The following ZNF682 variants were observed in gnomAD, a reference collection of about 807,000 sequenced individuals.
ZNF682 encodes the protein zinc finger protein 682.
In ZNF682, 29 loss-of-function variants were observed where a neutral mutation model predicts 36.5. That is an observed-to-expected ratio of 0.80 (90% CI 0.59 to 1.08). The LOEUF is 1.08. Ranked by LOEUF, ZNF682 falls within the 50% of genes least tolerant of loss-of-function variation. The pLI is 0.00. For synonymous variants in ZNF682, 180 were observed against 197.0 expected, an observed-to-expected ratio of 0.91 and a Z score of 0.72; for missense variants, 561 against 579.7, an observed-to-expected ratio of 0.97 and a Z score of 0.33.
In ZNF682 at chr19:20,006,695, A is replaced by T. The variant is rs779912510; in HGVS notation, c.807T>A (p.Cys269Ter). 4.3e-6 allele frequency: 7 copies of T among 1,611,668 alleles called. No homozygotes were observed. The part of the protein sequence containing the change: ...CEECGKAFHW[C>*]SPFVRHKKIH... ...TTTTCTTATGTCTAACAAAGGGTGA[A>T]CACCAGTGAAAGGCTTTTCCACATT... The change falls in exon 4 of 4, where the codon TGT (cysteine) becomes TGA (stop). Residue 269 changes from cysteine to a stop codon, truncating the protein, a stop_gained. Transcript: ENST00000397165. LOFTEE classifies it high-confidence loss of function.
intron 1 of ZNF682, among the ~76,000 whole-genome samples, chr19:20,032,637 A>G (rs892701761): frequency 6.6e-6 from 1 of 152,208 alleles, no homozygotes; most frequent in African/African-American, 2.4e-5. Context: ...TAAAAGCACA[A>G]TCATCTCCAA....
intron 1 of ZNF682, chr19:20,039,139 G>C (rs2088560939): frequency 7.1e-7 from 1 of 1,399,546 alleles, no homozygotes; most frequent in Non-Finnish European, 9.3e-7. Flanking sequence ...GAACGGAACG[G>C]GATGCCCGCC....
chr19:20,005,873 T>C lies in ZNF682; in HGVS notation c.*132A>G. 2 of 923,042 alleles carry C rather than the reference T, an allele frequency of 2.2e-6. No individual in the cohort carries two copies. The highest frequency in any genetic ancestry group is 3.8e-5 in the South Asian group (2 of 53,004). 57.2% of individuals were successfully genotyped at this position (923,042 alleles called of 1,614,324 possible). A position where few individuals can be genotyped will look rare whatever the true frequency, so the allele number is the denominator to read the frequency against. Reference sequence around the variant, plus strand: ...TAAGCTGTCAGCAATGGTTGAAGACTTTCCCCACATTCTTCACATTTGTAG... The same window carrying C: ...TAAGCTGTCAGCAATGGTTGAAGACCTTCCCCACATTCTTCACATTTGTAG... On this transcript the variant is annotated 3_prime_UTR_variant, in exon 4 of 4. Transcript: ENST00000397165.
intron 3 of ZNF682, among the ~76,000 whole-genome samples, chr19:19,997,741 C>T (rs777331173): frequency 9.2e-5 from 14 of 152,320 alleles, no homozygotes; most frequent in Non-Finnish European, 1.8e-4. Flanking sequence ...GCACTTGGAG[C>T]CTCCGGATGC....
intron 3 of ZNF682, among the ~76,000 whole-genome samples, chr19:20,016,360 G>A (rs921469745): frequency 6.6e-6 from 1 of 152,068 alleles, no homozygotes; most frequent in Non-Finnish European, 1.5e-5. Flanking sequence ...GAGAAATGAA[G>A]ATCCTTGTAT....
intron 3 of ZNF682, among the ~76,000 whole-genome samples, chr19:20,022,372 A>C (rs1186977185): frequency 7.5e-6 from 1 of 132,530 alleles, no homozygotes; most frequent in African/African-American, 2.8e-5. Context: ...AAAAACCTTA[A>C]AAAATAGTTT....
At chr19:19,997,068 GAAA>G in exon 4 of ZNF682, 1 of 326,166 alleles carries the variant, frequency 3.1e-6, no homozygotes, top group Non-Finnish European at 5.4e-6. Context: ...ATAAGACAAG[GAAA>G]AAAAAAAAAA....
intron 1 of ZNF682, among the ~76,000 whole-genome samples, chr19:20,038,658 T>C (rs1016666207): frequency 5.3e-5 from 8 of 151,206 alleles, no homozygotes; most frequent in African/African-American, 1.7e-4. Flanking sequence ...TGTAAATTGC[T>C]ACCTTAGGGG....
rs770671041 is a variant in ZNF682, at chr19:20,006,376, T to C, written c.1126A>G (p.Lys376Glu). The change falls in exon 4 of 4, where the codon AAA (lysine) becomes GAA (glutamate). Residue 376 changes from lysine (K) to glutamate (E), a missense_variant. By Grantham distance (56) the Lys-to-Glu change is moderately conservative (BLOSUM62 1). Coordinates refer to ENST00000397165, the MANE Select transcript of ZNF682 (RefSeq NM_033196.3). ...AGGTATGAGAACCTCTTAAAGACTT[T>C]GTCACATTTTTCACATTTGTAGGGT... Reference protein sequence around the residue: ...EKPYKCEKCDKVFKRFSYLTK... With the variant: ...EKPYKCEKCDEVFKRFSYLTK... 4.3e-6 allele frequency: 7 copies of C among 1,613,260 alleles called. No individual in the cohort carries two copies. The highest frequency in any genetic ancestry group is 3.3e-5 in the South Asian group (3 of 91,042).
intron 1 of ZNF682, among the ~76,000 whole-genome samples, chr19:20,030,460 C>T (rs1008097732): frequency 2.0e-5 from 3 of 152,102 alleles, no homozygotes; most frequent in Admixed American, 2.0e-4. Flanking sequence ...ATCCCAGCTA[C>T]TCAGGAGGCT....
intron 3 of ZNF682, among the ~76,000 whole-genome samples, chr19:19,999,325 A>G (rs1210242604): frequency 1.3e-5 from 2 of 152,210 alleles, no homozygotes; most frequent in African/African-American, 2.4e-5. Context: ...AAGTGTTGAA[A>G]CAAAACAAAA....
intron 3 of ZNF682, among the ~76,000 whole-genome samples, chr19:19,998,269 G>C (rs2088140085): frequency 6.6e-6 from 1 of 152,200 alleles, no homozygotes; most frequent in Non-Finnish European, 1.5e-5. Context: ...ATGCCTCACT[G>C]AGATGACATT....
intron 1 of ZNF682, among the ~76,000 whole-genome samples, chr19:20,031,324 C>T (rs1319193579): frequency 6.6e-6 from 1 of 152,204 alleles, no homozygotes; most frequent in East Asian, 1.9e-4. Context: ...TGGGGTGATT[C>T]TGCCATCAGA....
chr19:20,007,269 G>A lies in ZNF682; in HGVS notation c.233C>T (p.Ser78Phe), dbSNP rs889613863. Reference protein sequence around the residue: ...HETIAKPPAMSSHYTEDLLPE... With the variant: ...HETIAKPPAMFSHYTEDLLPE... ...CAAAAGGTCTTCAGTGTAATGAGAA[G>A]ACATAGCTGAAATATGAAATTAACA... The change falls in exon 4 of 4, where the codon TCT becomes TTT. Residue 78 changes from serine to phenylalanine, a missense_variant. Coordinates refer to ENST00000397165, the MANE Select transcript of ZNF682 (RefSeq NM_033196.3). 4 of 1,596,928 alleles carry A rather than the reference G, an allele frequency of 2.5e-6. No individual in the cohort carries two copies. The highest frequency in any genetic ancestry group is 2.6e-6 in the Non-Finnish European group (3 of 1,172,502).
downstream of ZNF682, among the ~76,000 whole-genome samples, chr19:20,000,187 T>G (rs2088157031): frequency 1.3e-5 from 2 of 152,138 alleles, no homozygotes; most frequent in Non-Finnish European, 2.9e-5. Context: ...GAAGGAACCT[T>G]GAAGAGTCTA....
At chr19:20,033,245 C>A (rs533257411) in intron 1 of ZNF682, among the ~76,000 whole-genome samples, 5 of 152,088 alleles carry the variant, frequency 3.3e-5, no homozygotes, top group South Asian at 2.1e-4. Flanking sequence ...TGCACTCCAG[C>A]CTGGGTGACA....
downstream of ZNF682, among the ~76,000 whole-genome samples, chr19:20,003,699 C>T (rs142894074): frequency 9.5e-3 from 1,387 of 145,982 alleles, 24 homozygotes; most frequent in African/African-American, 0.033. Flanking sequence ...AGCAAGACTC[C>T]GTCTCAAAAA....
At chr19:20,025,778 T>C (rs1270980319) in intron 1 of ZNF682, among the ~76,000 whole-genome samples, 2 of 152,074 alleles carry the variant, frequency 1.3e-5, no homozygotes, top group Non-Finnish European at 2.9e-5. Flanking sequence ...AGAGCTATGA[T>C]ATTATTGGCA....
intron 3 of ZNF682, among the ~76,000 whole-genome samples, chr19:20,010,749 C>T (rs745720190): frequency 1.3e-4 from 19 of 151,888 alleles, no homozygotes; most frequent in Non-Finnish European, 2.2e-4. Context: ...GGCAGATCAC[C>T]AGGTCAAGAG....
Sources: allele counts gnomAD v4.1 joint callset (sites outside exome capture counted in the v4.1 genomes callset), GRCh38; gene constraint gnomAD v4.1.1; transcripts MANE v1.5; gene names NCBI Gene and HGNC (gene_info 2026-07-23, HGNC 2026-07-21).